Variants in SSUH2 observed in about 807,000 individuals in gnomAD.
SSUH2 encodes protein SSUH2 homolog.
In SSUH2, 47 loss-of-function variants were observed where a neutral mutation model predicts 55.3. The ratio of observed to expected loss-of-function variants is 0.85; its 90% CI spans 0.67 to 1.08. SSUH2 has a LOEUF of 1.08. SSUH2 is among the 50% of genes least tolerant of loss of function. SSUH2 has a pLI of 0.00. For missense variants in SSUH2, 535 were observed against 490.7 expected (o/e 1.09, Z -0.85); for synonymous variants, 212 against 191.5 (o/e 1.11, Z -0.89).
chr3:8,638,751 T>A (rs142593374), intron 1 of SSUH2, among the ~76,000 whole-genome samples: 67 of 152,256 alleles, frequency 4.4e-4, no homozygotes, highest in Non-Finnish European at 8.5e-4. Context: ...GTCTTCCCCT[T>A]TCTTTGTGCT....
At chr3:8,649,924 G>A (rs569847400) in intron 7 of SSUH2, among the ~76,000 whole-genome samples, 3 of 152,116 alleles carry the variant, frequency 2.0e-5, no homozygotes, top group South Asian at 2.1e-4. Flanking sequence ...CTCTGCGAGC[G>A]ACCCCCTGCA....
chr3:8,675,387 A>C (rs1434524568), intron 3 of SSUH2, among the ~76,000 whole-genome samples: 1 of 152,088 alleles, frequency 6.6e-6, no homozygotes, highest in East Asian at 1.9e-4. Context: ...TTCCCACCAG[A>C]GACCTAGGCT....
intron 5 of SSUH2, among the ~76,000 whole-genome samples, chr3:8,665,557 A>C (rs955224649): frequency 4.6e-5 from 7 of 152,160 alleles, no homozygotes; most frequent in Non-Finnish European, 1.0e-4. Context: ...AAATAAGTAA[A>C]TCTTGTTTTC....
chr3:8,624,447 G>A (rs1697105282), intron 10 of SSUH2, among the ~76,000 whole-genome samples: 1 of 152,200 alleles, frequency 6.6e-6, no homozygotes, highest in African/African-American at 2.4e-5. Flanking sequence ...AGAGTGGGGT[G>A]CAGGGCTTCT....
chr3:8,630,706 G>C, intron 6 of SSUH2, 99 bp downstream of exon 6: 1 of 1,195,408 alleles, frequency 8.4e-7, no homozygotes, highest in Non-Finnish European at 1.1e-6. Flanking sequence ...CTGAATTTTG[G>C]GTTTCCCTTC....
chr3:8,636,657 G>A (rs1222797731), intron 1 of SSUH2, among the ~76,000 whole-genome samples: 1 of 152,072 alleles, frequency 6.6e-6, no homozygotes, highest in Non-Finnish European at 1.5e-5. Context: ...CATGGAGTCT[G>A]AGACTCCTCC....
At chr3:8,650,274 C>A (rs1230896392) in intron 7 of SSUH2, among the ~76,000 whole-genome samples, 1 of 152,174 alleles carries the variant, frequency 6.6e-6, no homozygotes, top group Non-Finnish European at 1.5e-5. Flanking sequence ...CATTAACTAA[C>A]TTACTATGTG....
Position 8,633,727 on chromosome 3 carries a change from T to C in SSUH2, c.278A>G (p.Tyr93Cys). 1.3e-6 allele frequency: 2 copies of C among 1,587,760 alleles called. No individual in the cohort carries two copies. Among genetic ancestry groups the C allele is most frequent in the East Asian group, 2.2e-5 (1 of 44,506 alleles). The change falls in exon 4 of 12, where the codon TAC becomes TGC. Residue 93 changes from tyrosine to cysteine, a missense_variant. Tyr to Cys is a radical substitution (Grantham distance 194). Coordinates refer to ENST00000544814, the MANE Select transcript of SSUH2 (RefSeq NM_001256748.3). ...GAGGTCTCCAGCCACCGTGCTGCTG[T>C]AGCAGCACTTAGAGTCCACAAAGCT... is the stretch of plus-strand genomic sequence containing the variant. ...LLSFVDSKCC[Y>C]SSTVAGDLVI... is the part of the protein sequence containing the mutation.
intron 5 of SSUH2, chr3:8,663,994 G>C (rs1703743130): frequency 2.8e-6 from 1 of 355,814 alleles, no homozygotes; most frequent in African/African-American, 2.1e-5. Flanking sequence ...GCTTCTAAGG[G>C]AAGTGCTGGG....
At chr3:8,635,189 G>C in intron 3 of SSUH2, 111 bp downstream of exon 3, 1 of 834,620 alleles carries the variant, frequency 1.2e-6, no homozygotes, top group East Asian at 2.7e-5. Context: ...TAGGTCTGGG[G>C]TGCAGACGGC....
At chr3:8,620,751 G>A (rs990016112) in intron 11 of SSUH2, among the ~76,000 whole-genome samples, 1 of 152,218 alleles carries the variant, frequency 6.6e-6, no homozygotes, top group Admixed American at 6.5e-5. Context: ...GGCAGTGGAG[G>A]ATAAAGTCGG....
intron 7 of SSUH2, among the ~76,000 whole-genome samples, chr3:8,653,863 C>G (rs1702674730): frequency 6.6e-6 from 1 of 152,148 alleles, no homozygotes; most frequent in Non-Finnish European, 1.5e-5. Flanking sequence ...CACTTTAGGC[C>G]ACTTTCCGGT....
intron 2 of SSUH2, 36 bp from the exon 3 acceptor site, chr3:8,635,417 G>T: frequency 7.0e-7 from 1 of 1,420,654 alleles, no homozygotes; most frequent in Non-Finnish European, 9.5e-7. Context: ...GGACAGCCCA[G>T]GCCAAAGGAA....
In SSUH2 at chr3:8,635,954, A is replaced by C. The variant is rs1699858359; in HGVS notation, c.29-97T>G. 8 of 1,072,444 alleles carry C rather than the reference A, an allele frequency of 7.5e-6. No homozygotes were observed. The East Asian group carries it at 2.1e-4, about 28-fold the overall frequency. The allele number at this position is 1,072,444 out of a possible 1,614,324, so 66.4% of individuals were successfully genotyped here. ...AGAAATTAGGGCGGGTGCATTATAA[A>C]AAGCCTCACGTTTAAGCCAGCCTCA... On this transcript the variant is annotated intron_variant, in intron 1 of 11. Coordinates refer to ENST00000544814, the MANE Select transcript of SSUH2 (RefSeq NM_001256748.3).
chr3:8,672,856 C>T (rs149049464), intron 3 of SSUH2, among the ~76,000 whole-genome samples: 3 of 152,092 alleles, frequency 2.0e-5, no homozygotes, highest in Non-Finnish European at 4.4e-5. Context: ...TAACGTCATA[C>T]GCCATCCTCT....
intron 1 of SSUH2, among the ~76,000 whole-genome samples, chr3:8,637,846 T>C (rs932948431): frequency 2.0e-5 from 3 of 152,088 alleles, no homozygotes; most frequent in African/African-American, 7.3e-5. Flanking sequence ...GTTTGTTTGT[T>C]TGTTTGTTTG....
intron 5 of SSUH2, among the ~76,000 whole-genome samples, chr3:8,666,298 T>C (rs17049436): frequency 0.29 from 44,110 of 152,094 alleles, 7,558 homozygotes; most frequent in African/African-American, 0.48. Context: ...AATTTCCTGA[T>C]GTAAGCAATG....
At chr3:8,627,812 G>C in intron 7 of SSUH2, 29 bp from the exon 8 acceptor site, 1 of 1,585,952 alleles carries the variant, frequency 6.3e-7, no homozygotes, top group Non-Finnish European at 8.6e-7. Context: ...CTCAGCCCCC[G>C]CTGGCCTCCC....
intron 3 of SSUH2, among the ~76,000 whole-genome samples, chr3:8,675,171 TGAG>T (rs954318631): frequency 5.3e-5 from 8 of 152,180 alleles, no homozygotes; most frequent in Non-Finnish European, 1.0e-4. Context: ...TGCTGCCAGC[TGAG>T]GACAGCTGGT....
Sources: allele counts gnomAD v4.1 joint callset (sites outside exome capture counted in the v4.1 genomes callset), GRCh38; gene constraint gnomAD v4.1.1; transcripts MANE v1.5; gene names NCBI Gene and HGNC (gene_info 2026-07-23, HGNC 2026-07-21).